The following PLEKHB2 variants were observed in gnomAD, a reference collection of about 807,000 sequenced individuals.
PLEKHB2 encodes the protein pleckstrin homology domain-containing family B member 2.
PLEKHB2 carries 31 observed loss-of-function variants against 36.5 expected under a neutral mutation model. The ratio of observed to expected loss-of-function variants is 0.85; its 90% CI spans 0.64 to 1.15. The LOEUF (loss-of-function observed/expected upper bound fraction) is 1.15, where lower values mean the gene tolerates loss of function less well. Among genes scored for constraint, PLEKHB2 ranks in the 50% most tolerant of loss-of-function variants. The pLI is 0.00. For missense variants in PLEKHB2, 262 were observed against 295.3 expected (o/e 0.89, Z 0.83); for synonymous variants, 119 against 112.0 (o/e 1.06, Z -0.39).
At chr2:131,125,519 T>C (rs1696999888) in intron 2 of PLEKHB2, among the ~76,000 whole-genome samples, 1 of 152,196 alleles carries the variant, frequency 6.6e-6, no homozygotes, top group Non-Finnish European at 1.5e-5. Flanking sequence ...CCTTGCTCTT[T>C]TGGCGCAAAG....
chr2:131,105,383 C>T lies in PLEKHB2; in HGVS notation c.-24C>T, dbSNP rs1162923534. The T allele has an allele frequency of 6.6e-6, 1 of 152,358 alleles. No homozygotes were observed. Among genetic ancestry groups the T allele is most frequent in the African/African-American group, 2.4e-5 (1 of 41,456 alleles). 9.4% of individuals were successfully genotyped at this position (152,358 alleles called of 1,614,324 possible). On this transcript the variant is annotated 5_prime_UTR_variant, in exon 1 of 8. Transcript: ENST00000693505. ...AATCGCCGTGGCGTCTTGGTGTTCT[C>T]CACGCTGGTTCGCAGGTGAGTGTCC...
intron 2 of PLEKHB2, among the ~76,000 whole-genome samples, chr2:131,122,292 A>G (rs1696603581): frequency 1.3e-5 from 2 of 152,218 alleles, no homozygotes; most frequent in African/African-American, 4.8e-5. Context: ...TATACTAGAA[A>G]GAGTGAAGTT....
intron 1 of PLEKHB2, among the ~76,000 whole-genome samples, chr2:131,119,677 A>G (rs1390741799): frequency 1.3e-5 from 2 of 152,128 alleles, no homozygotes; most frequent in Non-Finnish European, 2.9e-5. Context: ...TCCCTTTGGA[A>G]AGGTTGCATC....
rs1448456040 is a variant in PLEKHB2 at position 131,148,631 on chromosome 2, G to A, written c.*1858G>A. ...ACCTACATAGGACTCCATCTTTAGC[G>A]AGACACCAGAGACACCTAGTGATGA... On this transcript the variant is annotated 3_prime_UTR_variant, in exon 8 of 8. Coordinates refer to ENST00000693505, the MANE Select transcript of PLEKHB2 (RefSeq NM_001100623.2). The A allele has an allele frequency of 6.6e-6, 1 of 152,132 alleles. No homozygotes were observed. The highest frequency in any genetic ancestry group is 1.9e-4 in the East Asian group (1 of 5,178). 9.4% of individuals were successfully genotyped at this position (152,132 alleles called of 1,614,324 possible).
At chr2:131,133,495 A>G (rs1697928790) in intron 6 of PLEKHB2, among the ~76,000 whole-genome samples, 1 of 152,254 alleles carries the variant, frequency 6.6e-6, no homozygotes, top group Non-Finnish European at 1.5e-5. Flanking sequence ...AGAAGTTGCA[A>G]AGATAGCTTT....
At chr2:131,116,345 AC>A (rs1437124016) in intron 1 of PLEKHB2, among the ~76,000 whole-genome samples, 1 of 152,218 alleles carries the variant, frequency 6.6e-6, no homozygotes, top group Non-Finnish European at 1.5e-5. Flanking sequence ...TCAAGGAAAC[AC>A]CAGAGAAAAC....
chr2:131,121,541 C>G (rs1212388810), intron 2 of PLEKHB2, among the ~76,000 whole-genome samples: 1 of 152,152 alleles, frequency 6.6e-6, no homozygotes, highest in Non-Finnish European at 1.5e-5. Flanking sequence ...GCCACCGTGC[C>G]CAGCTGCGTG....
At chr2:131,137,909 T>C (rs1698423353) in intron 6 of PLEKHB2, among the ~76,000 whole-genome samples, 1 of 152,074 alleles carries the variant, frequency 6.6e-6, no homozygotes, top group African/African-American at 2.4e-5. Flanking sequence ...ATTTGGGAAA[T>C]TTTAAATCAT....
At chr2:131,138,626 G>A (rs928265566) in intron 6 of PLEKHB2, among the ~76,000 whole-genome samples, 117 of 152,150 alleles carry the variant, frequency 7.7e-4, no homozygotes, top group African/African-American at 2.5e-3. Flanking sequence ...TGCAGAGGGG[G>A]TTGTGAATTT....
chr2:131,123,455 G>A (rs1333356257), intron 2 of PLEKHB2, among the ~76,000 whole-genome samples: 5 of 152,200 alleles, frequency 3.3e-5, no homozygotes, highest in African/African-American at 1.2e-4. Context: ...GATGGCAGGT[G>A]AGATACTTGG....
At chr2:131,137,593 C>G (rs1183360290) in intron 6 of PLEKHB2, among the ~76,000 whole-genome samples, 4 of 152,162 alleles carry the variant, frequency 2.6e-5, no homozygotes, top group Non-Finnish European at 4.4e-5. Context: ...TCTGCAGAGT[C>G]TATAGTAAAA....
At chr2:131,117,241 C>T (rs889985549) in intron 1 of PLEKHB2, among the ~76,000 whole-genome samples, 3 of 152,050 alleles carry the variant, frequency 2.0e-5, no homozygotes, top group African/African-American at 7.2e-5. Flanking sequence ...GCCTGGCCAA[C>T]GTGGCGAAAT....
chr2:131,125,737 T>A lies in PLEKHB2; in HGVS notation c.38-16T>A. 3 of 1,577,418 alleles carry A rather than the reference T, an allele frequency of 1.9e-6. No homozygotes were observed. Among genetic ancestry groups the A allele is most frequent in the Non-Finnish European group, 2.6e-6 (3 of 1,164,744 alleles). ...TCTAAAAAAAAAAAAACAACCGTAC[T>A]ATTTTTTTTTTCCAGGTACTATTTT... On this transcript the variant is annotated splice_polypyrimidine_tract_variant and intron_variant, in intron 2 of 7. Coordinates refer to ENST00000693505, the MANE Select transcript of PLEKHB2 (RefSeq NM_001100623.2).
At position 131,125,834 on chromosome 2, in the gene PLEKHB2, G is replaced by A. The variant is rs200916470; in HGVS notation, c.119G>A (p.Arg40Gln). Reference sequence around the variant, plus strand: ...CTGATCTATTATGATGACCAGACTCGGCAGAATATCGAGGATAAGGTCCAC... The same window carrying A: ...CTGATCTATTATGATGACCAGACTCAGCAGAATATCGAGGATAAGGTCCAC... ...GHLIYYDDQT[R>Q]QNIEDKVHMP... The change falls in exon 3 of 8, where the codon CGG becomes CAG. Residue 40 changes from arginine (R) to glutamine (Q), a missense_variant. Physicochemically the swap from Arg to Gln is conservative, Grantham distance 43. Coordinates refer to ENST00000693505, the MANE Select transcript of PLEKHB2 (RefSeq NM_001100623.2). The A allele has an allele frequency of 3.7e-6, 6 of 1,613,504 alleles. No individual in the cohort carries two copies. The highest frequency in any genetic ancestry group is 1.7e-4 in the Middle Eastern group (1 of 6,046).
chr2:131,140,812 G>C (rs1175052450), intron 7 of PLEKHB2, among the ~76,000 whole-genome samples: 2 of 152,218 alleles, frequency 1.3e-5, no homozygotes, highest in Non-Finnish European at 2.9e-5. Context: ...GGTTGGCAGG[G>C]TGGAGGTGTG....
chr2:131,131,670 T>G (rs2104904956), intron 5 of PLEKHB2, among the ~76,000 whole-genome samples: 1 of 152,100 alleles, frequency 6.6e-6, no homozygotes, highest in Admixed American at 6.5e-5. Context: ...CCTAATAGCG[T>G]CAGTGTTCTC....
intron 6 of PLEKHB2, among the ~76,000 whole-genome samples, chr2:131,136,197 G>T (rs1277941145): frequency 7.0e-5 from 2 of 28,626 alleles, no homozygotes; most frequent in Admixed American, 5.3e-4. Flanking sequence ...CCTTTCCCCC[G>T]CCCGTCCCCT....
rs1699434439 is a variant in PLEKHB2, at chr2:131,148,128, T to A, written c.*1355T>A. 1 of 152,108 alleles carries A rather than the reference T, an allele frequency of 6.6e-6. No homozygotes were observed. Among genetic ancestry groups the A allele is most frequent in the Non-Finnish European group, 1.5e-5 (1 of 68,122 alleles). The allele number at this position is 152,108 out of a possible 1,614,324, so 9.4% of individuals were successfully genotyped here. A position where few individuals can be genotyped will look rare whatever the true frequency, so the allele number is the denominator to read the frequency against. On this transcript the variant is annotated 3_prime_UTR_variant, in exon 8 of 8. Transcript: ENST00000693505. ...CAGACTGTAGCTGAGCAGACTTGGGTTATGGATGGGATATGGGGCCCAGGG... is the reference window on the plus strand; with the variant it reads ...CAGACTGTAGCTGAGCAGACTTGGGATATGGATGGGATATGGGGCCCAGGG...
intron 2 of PLEKHB2, among the ~76,000 whole-genome samples, chr2:131,123,808 A>G (rs1401484759): frequency 8.3e-4 from 25 of 29,988 alleles, no homozygotes; most frequent in African/African-American, 2.3e-3. Flanking sequence ...TCGGCCTCCC[A>G]AAGTGCTAGG....
Sources: gnomAD v4.1 joint callset for allele counts (sites outside exome capture counted in the v4.1 genomes callset) on GRCh38, gnomAD v4.1.1 for gene constraint, MANE v1.5 for transcripts, NCBI Gene and HGNC (gene_info 2026-07-23, HGNC 2026-07-21) for gene names.